Variants in SEC23A observed in about 807,000 individuals in gnomAD.
SEC23A encodes protein transport protein Sec23A.
A neutral mutation model predicts 103.7 loss-of-function variants in SEC23A; 56 were observed. The observed-to-expected ratio is 0.54, with a 90% CI of 0.44 to 0.67. The LOEUF is 0.67. Ranked by LOEUF, SEC23A falls within the 30% of genes least tolerant of loss-of-function variation. The probability of loss-of-function intolerance (pLI) is 0.00; values close to 1 mark genes in which losing one functional copy is unlikely to be tolerated. For missense variants in SEC23A, 784 were observed against 936.4 expected, an observed-to-expected ratio of 0.84 and a Z score of 2.12; for synonymous variants, 281 against 293.0, an observed-to-expected ratio of 0.96 and a Z score of 0.42.
intron 7 of SEC23A, among the ~76,000 whole-genome samples, chr14:39,083,559 C>CTTTCTTTTTTT (rs1887307656): frequency 2.8e-5 from 1 of 35,260 alleles, no homozygotes; most frequent in African/African-American, 1.1e-4. Flanking sequence ...GCAAAATAAA[C>CTTTCTTTTTTT]TTTCTTTTTT....
chr14:39,034,543 C>T (rs1381474269), intron 19 of SEC23A, among the ~76,000 whole-genome samples: 1 of 152,312 alleles, frequency 6.6e-6, no homozygotes, highest in African/African-American at 2.4e-5. Flanking sequence ...AACCTCATGG[C>T]TCTTACTTTT....
In SEC23A at chr14:39,052,299, C is replaced by T. The variant is rs183260816; in HGVS notation, c.1659+2844G>A. Among the ~76,000 whole-genome samples, 8 of 151,338 alleles carry T rather than the reference C, an allele frequency of 5.3e-5. No individual in the cohort carries two copies. In the East Asian group the frequency reaches 1.6e-3, roughly 29 times the overall value. On this transcript the variant is annotated intron_variant, in intron 14 of 19. Transcript: ENST00000307712. ...ACCTGCACATCCTGCACGTGTATGC[C>T]TGAACTTAAAAGTTGAAAAAAAAAA...
intron 9 of SEC23A, among the ~76,000 whole-genome samples, chr14:39,072,473 A>G (rs1181093078): frequency 1.3e-5 from 2 of 152,128 alleles, no homozygotes; most frequent in Non-Finnish European, 2.9e-5. Flanking sequence ...AATGAAAACC[A>G]CAATGAGATA....
chr14:39,065,237 C>G (rs1886617842), intron 10 of SEC23A, among the ~76,000 whole-genome samples: 1 of 152,042 alleles, frequency 6.6e-6, no homozygotes, highest in African/African-American at 2.4e-5. Context: ...ATTTGGGAAC[C>G]TCATCCTGAC....
At position 39,061,836 on chromosome 14, in the gene SEC23A, T is replaced by C. The variant is rs1886491511; in HGVS notation, c.1434A>G (p.Ala478=). The C allele has an allele frequency of 6.2e-7, 1 of 1,613,908 alleles. No individual in the cohort carries two copies. The highest frequency in any genetic ancestry group is 2.2e-5 in the East Asian group (1 of 44,888). ...GCTGATACTGAGTCACAAACTGGAT[T>C]GCACCACGCCCTCCTTGAGGAATTG... The part of the protein sequence containing the change: ...NAPIPQGGRG[A]IQFVTQYQHS... Residue 478 remains alanine (A), a synonymous_variant, in exon 13 of 20, where the codon GCA becomes GCG. Transcript: ENST00000307712.
chr14:39,084,425 T>A (rs559948791), intron 7 of SEC23A, among the ~76,000 whole-genome samples: 2 of 152,326 alleles, frequency 1.3e-5, no homozygotes, highest in South Asian at 4.1e-4. Flanking sequence ...TGGGTGAACT[T>A]CTTTCCAGAA....
chr14:39,081,784 T>C (rs1347196460), intron 7 of SEC23A, among the ~76,000 whole-genome samples: 6 of 152,174 alleles, frequency 3.9e-5, no homozygotes, highest in Non-Finnish European at 8.8e-5. Flanking sequence ...AATAGAGATA[T>C]AGATGCATAT....
Position 39,085,825 on chromosome 14 carries a change from T to C in SEC23A, c.765A>G (p.Pro255=), listed in dbSNP as rs753629234. The C allele has an allele frequency of 2.2e-5, 36 of 1,613,834 alleles. No homozygotes were observed. The South Asian group carries it at 3.3e-4, about 15-fold the overall frequency. The part of the protein sequence containing the change: ...GELQRDPWPV[P]QGKRPLRSSG... Reference sequence around the variant, plus strand: ...AGGAACGCAAAGGTCTCTTTCCCTGTGGTACAGGCCAAGGGTCTCGCTGGA... The same window carrying C: ...AGGAACGCAAAGGTCTCTTTCCCTGCGGTACAGGCCAAGGGTCTCGCTGGA... Residue 255 remains proline (P), a synonymous_variant, in exon 7 of 20, where the codon CCA becomes CCG. Coordinates refer to ENST00000307712, the MANE Select transcript of SEC23A (RefSeq NM_006364.4).
rs59260008 is a variant in SEC23A, at chr14:39,065,997, C to CA, written c.1228-1005dup. ...GGGCAATAAGAGCGAAACTCCATCT[C>CA]AAAAAAAAAAAAAAAAAAAAAAAAA... On this transcript the variant is annotated intron_variant, in intron 10 of 19. Coordinates refer to ENST00000307712, the MANE Select transcript of SEC23A (RefSeq NM_006364.4). Among the ~76,000 whole-genome samples the CA allele has an allele frequency of 4.8e-4, 39 of 80,554 alleles. 6 individuals carry two copies. The highest frequency in any genetic ancestry group is 1.6e-3 in the African/African-American group (30 of 19,124). 52.8% of individuals were successfully genotyped at this position (80,554 alleles called of 152,430 possible). A position where few individuals can be genotyped will look rare whatever the true frequency, so the allele number is the denominator to read the frequency against.
At chr14:39,079,979 TAAC>T (rs1445042182) in intron 7 of SEC23A, among the ~76,000 whole-genome samples, 1 of 152,140 alleles carries the variant, frequency 6.6e-6, no homozygotes, top group Non-Finnish European at 1.5e-5. Context: ...TCTTAACTAA[TAAC>T]AAAAATACTC....
chr14:39,090,280 T>C (rs904609356), intron 5 of SEC23A, among the ~76,000 whole-genome samples: 28 of 152,132 alleles, frequency 1.8e-4, no homozygotes, highest in Admixed American at 1.8e-3. Context: ...CAGAATTACT[T>C]AGAAAGTTTT....
chr14:39,090,502 T>C (rs1490807192), intron 5 of SEC23A, among the ~76,000 whole-genome samples: 1 of 152,128 alleles, frequency 6.6e-6, no homozygotes, highest in South Asian at 2.1e-4. Context: ...GTCCCAGTGA[T>C]AAAAACCACT....
chr14:39,060,050 CGTT>C (rs1463720013), intron 13 of SEC23A, among the ~76,000 whole-genome samples: 5 of 151,886 alleles, frequency 3.3e-5, no homozygotes, highest in Admixed American at 6.6e-5. Context: ...TTTGGTATGT[CGTT>C]GTTTCCTTAA....
At chr14:39,061,404 A>G (rs1473206990) in intron 13 of SEC23A, among the ~76,000 whole-genome samples, 2 of 152,000 alleles carry the variant, frequency 1.3e-5, no homozygotes, top group Admixed American at 1.3e-4. Context: ...AATTTTTATC[A>G]CTAATTGAAA....
chr14:39,087,356 C>CA (rs929521221), intron 5 of SEC23A, among the ~76,000 whole-genome samples: 2 of 152,170 alleles, frequency 1.3e-5, no homozygotes, highest in African/African-American at 4.8e-5. Flanking sequence ...CAAACTATAT[C>CA]ATAAGCACCT....
At chr14:39,042,494 GGTAAAACCCAAAAGTGC>G (rs950298260) in intron 17 of SEC23A, among the ~76,000 whole-genome samples, 1 of 152,114 alleles carries the variant, frequency 6.6e-6, no homozygotes, top group African/African-American at 2.4e-5. Context: ...AATGTTTTCA[GGTAAAACCCAAAAGTGC>G]CATTTGTCTA....
intron 14 of SEC23A, among the ~76,000 whole-genome samples, chr14:39,049,111 T>C (rs1885950437): frequency 7.0e-6 from 1 of 142,708 alleles, no homozygotes; most frequent in Non-Finnish European, 1.5e-5. Flanking sequence ...GAGGCCAAGG[T>C]GGGAAGATTG....
chr14:39,049,894 G>T (rs1216323848), intron 14 of SEC23A, among the ~76,000 whole-genome samples: 1 of 151,426 alleles, frequency 6.6e-6, no homozygotes, highest in Non-Finnish European at 1.5e-5. Context: ...CCAGGTTCAC[G>T]CCATTCTCCT....
At chr14:39,038,373 T>G (rs1367033829) in intron 19 of SEC23A, among the ~76,000 whole-genome samples, 1 of 152,240 alleles carries the variant, frequency 6.6e-6, no homozygotes, top group Non-Finnish European at 1.5e-5. Context: ...TGTAATTTAC[T>G]TAGGTATGTA....
Sources: gnomAD v4.1 joint callset for allele counts (sites outside exome capture counted in the v4.1 genomes callset) on GRCh38, gnomAD v4.1.1 for gene constraint, MANE v1.5 for transcripts, NCBI Gene and HGNC (gene_info 2026-07-23, HGNC 2026-07-21) for gene names.